The following PTPRD variants were observed in gnomAD, a reference collection of about 807,000 sequenced individuals.
PTPRD encodes receptor-type tyrosine-protein phosphatase delta.
PTPRD carries 34 observed loss-of-function variants against 214.5 expected under a neutral mutation model. The observed-to-expected ratio is 0.16, with a 90% confidence interval of 0.12 to 0.21. The LOEUF is 0.21. PTPRD is among the 10% of genes least tolerant of loss of function. PTPRD has a pLI of 1.00. For synonymous variants in PTPRD, 1,128 were observed against 845.7 expected, an observed-to-expected ratio of 1.33 and a Z score of -5.79; for missense variants, 2,545 against 2,398.7, an observed-to-expected ratio of 1.06 and a Z score of -1.27.
intron 11 of PTPRD, among the ~76,000 whole-genome samples, chr9:9,005,609 TAAG>T (rs1454039246): frequency 1.3e-5 from 2 of 152,020 alleles, no homozygotes; most frequent in African/African-American, 2.4e-5. Flanking sequence ...AACCTAAGTA[TAAG>T]AAGACTAAAA....
intron 2 of PTPRD, among the ~76,000 whole-genome samples, chr9:10,522,939 A>G (rs1207440045): frequency 6.6e-5 from 10 of 152,022 alleles, no homozygotes; most frequent in African/African-American, 2.4e-4. Context: ...TTTTAATCAT[A>G]ATTTTTATTA....
intron 10 of PTPRD, among the ~76,000 whole-genome samples, chr9:9,159,592 T>C (rs1008960140): frequency 2.6e-5 from 4 of 152,294 alleles, no homozygotes; most frequent in South Asian, 2.1e-4. Flanking sequence ...CCTGTGTTCA[T>C]GGATTGGAAG....
chr9:10,299,427 A>G (rs536953704), intron 3 of PTPRD, among the ~76,000 whole-genome samples: 3 of 152,288 alleles, frequency 2.0e-5, no homozygotes, highest in South Asian at 2.1e-4. Flanking sequence ...TAGCTGCATG[A>G]TTATGAAAAA....
chr9:9,685,776 G>T (rs2097156201), intron 7 of PTPRD, among the ~76,000 whole-genome samples: 3 of 150,852 alleles, frequency 2.0e-5, no homozygotes, highest in African/African-American at 7.3e-5. Context: ...GTTTCAGGAT[G>T]ACATTTAATA....
intron 10 of PTPRD, among the ~76,000 whole-genome samples, chr9:9,132,803 G>A (rs1402084986): frequency 1.3e-5 from 2 of 152,108 alleles, no homozygotes; most frequent in East Asian, 3.8e-4. Flanking sequence ...TAATACTTGT[G>A]TGCAAAATAC....
rs187563304 is a variant in PTPRD at position 10,407,060 on chromosome 9, T to C, written c.-599-66043A>G. Reference sequence around the variant, plus strand: ...TTCTTAATGTTTACTTACAAACCCATCAAATAAATATTATAATGCCCAACG... The same window carrying C: ...TTCTTAATGTTTACTTACAAACCCACCAAATAAATATTATAATGCCCAACG... On this transcript the variant is annotated intron_variant, in intron 2 of 45. Coordinates refer to ENST00000381196, the MANE Select transcript of PTPRD (RefSeq NM_002839.4). Among the ~76,000 whole-genome samples, 4 of 151,616 alleles carry C rather than the reference T, an allele frequency of 2.6e-5. No individual in the cohort carries two copies. In the East Asian group the frequency reaches 7.8e-4, roughly 30 times the overall value.
At chr9:9,017,065 T>C (rs1569418197) in intron 11 of PTPRD, among the ~76,000 whole-genome samples, 2 of 151,992 alleles carry the variant, frequency 1.3e-5, no homozygotes, top group Non-Finnish European at 2.9e-5. Flanking sequence ...GAATCATAAA[T>C]AACCAAATAA....
At chr9:9,514,772 C>T (rs144431649) in intron 8 of PTPRD, among the ~76,000 whole-genome samples, 171 of 152,078 alleles carry the variant, frequency 1.1e-3, no homozygotes, top group Admixed American at 2.8e-3. Context: ...TCCTCCTGAC[C>T]GATGGAAGCT....
chr9:8,668,620 A>T (rs2097215524), intron 12 of PTPRD, among the ~76,000 whole-genome samples: 1 of 152,230 alleles, frequency 6.6e-6, no homozygotes, highest in Non-Finnish European at 1.5e-5. Context: ...ATATAAAGAG[A>T]TGGTGAAATT....
At chr9:8,870,388 T>C (rs1226067511) in intron 11 of PTPRD, among the ~76,000 whole-genome samples, 1 of 152,028 alleles carries the variant, frequency 6.6e-6, no homozygotes, top group Non-Finnish European at 1.5e-5. Flanking sequence ...GTATTTTGAT[T>C]TTATGTCTGG....
chr9:9,928,044 C>A (rs1348512584), intron 5 of PTPRD, among the ~76,000 whole-genome samples: 1 of 152,104 alleles, frequency 6.6e-6, no homozygotes, highest in African/African-American at 2.4e-5. Context: ...TTCATGTGAA[C>A]AACGTTTCAT....
intron 7 of PTPRD, among the ~76,000 whole-genome samples, chr9:9,676,820 A>G (rs1044618315): frequency 6.6e-6 from 1 of 152,042 alleles, no homozygotes; most frequent in Non-Finnish European, 1.5e-5. Flanking sequence ...TCGCCATTTT[A>G]ACTGGTGTGA....
intron 2 of PTPRD, among the ~76,000 whole-genome samples, chr9:10,351,297 G>A (rs1353296545): frequency 1.3e-5 from 2 of 152,022 alleles, no homozygotes; most frequent in African/African-American, 4.8e-5. Flanking sequence ...TATTGAACAT[G>A]TTTAAAATAG....
intron 3 of PTPRD, among the ~76,000 whole-genome samples, chr9:10,125,872 A>T (rs2098815499): frequency 6.6e-6 from 1 of 152,164 alleles, no homozygotes; most frequent in Non-Finnish European, 1.5e-5. Context: ...ATGGATATAG[A>T]GGTCAATATA....
chr9:8,334,705 T>TAGAC (rs1027822819), intron 43 of PTPRD, among the ~76,000 whole-genome samples: 6 of 101,814 alleles, frequency 5.9e-5, no homozygotes, highest in African/African-American at 2.5e-4. Context: ...CTGAAGGAGA[T>TAGAC]AGACACACGA....
intron 8 of PTPRD, among the ~76,000 whole-genome samples, chr9:9,431,460 T>C (rs1039738893): frequency 7.9e-5 from 12 of 152,010 alleles, no homozygotes; most frequent in African/African-American, 2.9e-4. Context: ...TTGGTGGGAG[T>C]GTAAACTAGT....
chr9:10,330,465 C>T (rs1436946308), intron 3 of PTPRD, among the ~76,000 whole-genome samples: 1 of 151,762 alleles, frequency 6.6e-6, no homozygotes, highest in Non-Finnish European at 1.5e-5. Flanking sequence ...CTTCCCCCAA[C>T]ACATTTTTTG....
intron 2 of PTPRD, among the ~76,000 whole-genome samples, chr9:10,610,283 T>C (rs1354131766): frequency 6.6e-6 from 1 of 152,160 alleles, no homozygotes. Context: ...GCTATTTTCC[T>C]TAGCACTATG....
chr9:9,499,678 T>G (rs1227455522), intron 8 of PTPRD, among the ~76,000 whole-genome samples: 2 of 152,068 alleles, frequency 1.3e-5, no homozygotes, highest in African/African-American at 4.8e-5. Context: ...AGCCTGTTTC[T>G]TCTCACAGTT....
Sources: allele counts gnomAD v4.1 joint callset (sites outside exome capture counted in the v4.1 genomes callset), GRCh38; gene constraint gnomAD v4.1.1; transcripts MANE v1.5; gene names NCBI Gene and HGNC (gene_info 2026-07-23, HGNC 2026-07-21).